The following GRIN2A variants were observed in gnomAD, a reference collection of about 807,000 sequenced individuals.
GRIN2A encodes glutamate ionotropic receptor NMDA type subunit 2A.
In GRIN2A, 22 loss-of-function variants were observed where a neutral mutation model predicts 113.4. The observed-to-expected ratio is 0.19, with a 90% confidence interval of 0.14 to 0.28. The LOEUF is 0.28. Ranked by LOEUF, GRIN2A falls within the 10% of genes least tolerant of loss-of-function variation. The pLI, the probability that GRIN2A is intolerant of heterozygous loss-of-function variation, is 1.00. For missense variants in GRIN2A, 1,502 were observed against 1,887.0 expected (o/e 0.80, Z 3.78); for synonymous variants, 827 against 738.4 (o/e 1.12, Z -1.94).
chr16:10,178,578 T>A (rs2050197114), intron 2 of GRIN2A, among the ~76,000 whole-genome samples: 1 of 152,126 alleles, frequency 6.6e-6, no homozygotes, highest in African/African-American at 2.4e-5. Context: ...CCCCCAAAAC[T>A]GAGAAGTGAC....
At chr16:9,948,800 G>C (rs1000611931) in intron 2 of GRIN2A, among the ~76,000 whole-genome samples, 2 of 152,188 alleles carry the variant, frequency 1.3e-5, no homozygotes, top group African/African-American at 4.8e-5. Flanking sequence ...GGAAGCACCG[G>C]TCAGTCCTAT....
chr16:9,928,860 G>C (rs2044525750), intron 3 of GRIN2A, among the ~76,000 whole-genome samples: 1 of 152,136 alleles, frequency 6.6e-6, no homozygotes, highest in African/African-American at 2.4e-5. Context: ...AAATAAAACT[G>C]CCGGTAGGAT....
rs186405710 is a variant in GRIN2A at position 9,879,212 on chromosome 16, A to G, written c.1122+11774T>C. On this transcript the variant is annotated intron_variant, in intron 4 of 12. Transcript: ENST00000330684. ...ATTAAATTCCACACAGACTCTGCTA[A>G]GGTTGATATTACCAAACCCATTTTA... is the stretch of plus-strand genomic sequence containing the variant. 3.3e-5 allele frequency among the ~76,000 whole-genome samples: 5 copies of G among 152,296 alleles called. No homozygotes were observed. In the East Asian group the frequency reaches 9.6e-4, roughly 29 times the overall value.
chr16:9,787,611 C>T (rs1030502842), intron 11 of GRIN2A, among the ~76,000 whole-genome samples: 5 of 152,246 alleles, frequency 3.3e-5, no homozygotes, highest in East Asian at 1.9e-4. Flanking sequence ...TAGATTTCTT[C>T]GAATATTTTA....
chr16:10,135,921 G>T (rs922593859), intron 2 of GRIN2A, among the ~76,000 whole-genome samples: 1 of 152,084 alleles, frequency 6.6e-6, no homozygotes, highest in Non-Finnish European at 1.5e-5. Flanking sequence ...ACAGACTGTA[G>T]CCCCATCCAA....
At chr16:10,097,163 G>A (rs1304020017) in intron 2 of GRIN2A, among the ~76,000 whole-genome samples, 1 of 152,214 alleles carries the variant, frequency 6.6e-6, no homozygotes, top group Non-Finnish European at 1.5e-5. Flanking sequence ...GCCTTAGGCA[G>A]CAGTCTCTGA....
At chr16:9,973,552 A>C (rs1402029183) in intron 2 of GRIN2A, among the ~76,000 whole-genome samples, 1 of 152,226 alleles carries the variant, frequency 6.6e-6, no homozygotes, top group East Asian at 1.9e-4. Flanking sequence ...TGAAAGACAT[A>C]AACTTACAAA....
At chr16:9,773,779 A>G (rs1040967951) in intron 11 of GRIN2A, among the ~76,000 whole-genome samples, 9 of 152,208 alleles carry the variant, frequency 5.9e-5, no homozygotes, top group African/African-American at 2.2e-4. Context: ...GTTTCCAGCC[A>G]CAAGTATCTC....
chr16:9,912,958 A>G (rs2044175435), intron 3 of GRIN2A, among the ~76,000 whole-genome samples: 1 of 152,214 alleles, frequency 6.6e-6, no homozygotes, highest in African/African-American at 2.4e-5. Flanking sequence ...TATCTATCTA[A>G]ACCAACAGAA....
At chr16:9,936,071 G>A (rs2044707718) in intron 3 of GRIN2A, among the ~76,000 whole-genome samples, 1 of 152,078 alleles carries the variant, frequency 6.6e-6, no homozygotes, top group African/African-American at 2.4e-5. Context: ...ATTACTATGT[G>A]GTAAATACCG....
chr16:9,948,204 A>G (rs537367355), intron 2 of GRIN2A, among the ~76,000 whole-genome samples: 79 of 147,022 alleles, frequency 5.4e-4, no homozygotes, highest in South Asian at 2.7e-3. Flanking sequence ...AGAGATCTTC[A>G]AGTGCATTTA....
At chr16:9,799,997 T>C (rs1903261833) in intron 10 of GRIN2A, among the ~76,000 whole-genome samples, 1 of 151,374 alleles carries the variant, frequency 6.6e-6, no homozygotes, top group Admixed American at 6.6e-5. Flanking sequence ...ATTATTCAGA[T>C]GGAGTCTCAC....
chr16:9,825,083 G>A (rs968764563), intron 9 of GRIN2A, among the ~76,000 whole-genome samples: 1 of 152,168 alleles, frequency 6.6e-6, no homozygotes, highest in Non-Finnish European at 1.5e-5. Flanking sequence ...CACAATATCT[G>A]GAGTCAGAGG....
At chr16:9,879,214 G>T (rs954581120) in intron 4 of GRIN2A, among the ~76,000 whole-genome samples, 1 of 152,034 alleles carries the variant, frequency 6.6e-6, no homozygotes, top group African/African-American at 2.4e-5. Context: ...CTCTGCTAAG[G>T]TTGATATTAC....
chr16:10,158,050 G>T (rs1159505986), intron 2 of GRIN2A, among the ~76,000 whole-genome samples: 1 of 151,872 alleles, frequency 6.6e-6, no homozygotes, highest in Non-Finnish European at 1.5e-5. Flanking sequence ...TGTCACCAAG[G>T]CTGGAGTACA....
chr16:10,101,307 G>T (rs2048389348), intron 2 of GRIN2A, among the ~76,000 whole-genome samples: 1 of 152,136 alleles, frequency 6.6e-6, no homozygotes, highest in African/African-American at 2.4e-5. Flanking sequence ...CTCCATCTCA[G>T]CATCTGTTTC....
chr16:10,096,027 C>T (rs1042993474), intron 2 of GRIN2A, among the ~76,000 whole-genome samples: 3 of 152,122 alleles, frequency 2.0e-5, no homozygotes, highest in African/African-American at 7.2e-5. Context: ...CAAACCTGCA[C>T]ATGTACCCCT....
At chr16:10,007,457 C>G (rs1471690838) in intron 2 of GRIN2A, among the ~76,000 whole-genome samples, 3 of 152,112 alleles carry the variant, frequency 2.0e-5, no homozygotes, top group African/African-American at 7.2e-5. Context: ...AGATCTTTTG[C>G]CAATTTTTTT....
intron 2 of GRIN2A, among the ~76,000 whole-genome samples, chr16:10,026,595 A>ATC (rs1393058977): frequency 0.046 from 6,973 of 152,100 alleles, 275 homozygotes; most frequent in African/African-American, 0.1. Context: ...CCTTTCTGTC[A>ATC]ACTGAAGAAC....
Sources: allele counts gnomAD v4.1 joint callset (sites outside exome capture counted in the v4.1 genomes callset), GRCh38; gene constraint gnomAD v4.1.1; transcripts MANE v1.5; gene names NCBI Gene and HGNC (gene_info 2026-07-23, HGNC 2026-07-21).